The following AUTS2 variants were observed in gnomAD, a reference collection of about 807,000 sequenced individuals.
The protein encoded by AUTS2 is activator of transcription and developmental regulator AUTS2.
AUTS2 carries 17 observed loss-of-function variants against 112.4 expected under a neutral mutation model. The observed-to-expected ratio is 0.15, with a 90% CI of 0.10 to 0.23. The LOEUF is 0.23. Among genes scored for constraint, AUTS2 ranks in the 10% least tolerant of loss-of-function variants. The probability of loss-of-function intolerance (pLI) is 1.00; values close to 1 mark genes in which losing one functional copy is unlikely to be tolerated. For synonymous variants in AUTS2, 751 were observed against 702.7 expected, an observed-to-expected ratio of 1.07 and a Z score of -1.09; for missense variants, 1,510 against 1,701.6, an observed-to-expected ratio of 0.89 and a Z score of 1.98.
intron 4 of AUTS2, among the ~76,000 whole-genome samples, chr7:70,211,192 T>C (rs1810864849): frequency 1.3e-5 from 2 of 152,116 alleles, no homozygotes; most frequent in African/African-American, 4.8e-5. Flanking sequence ...ATTTTAGCAT[T>C]GCTGAAGGAA....
At chr7:70,107,530 G>C (rs192772823) in intron 2 of AUTS2, among the ~76,000 whole-genome samples, 14 of 149,742 alleles carry the variant, frequency 9.3e-5, no homozygotes, top group African/African-American at 3.4e-4. Context: ...TTTTAGTAGA[G>C]ATGGGGTTTC....
intron 4 of AUTS2, among the ~76,000 whole-genome samples, chr7:70,255,945 A>G (rs2129605539): frequency 6.6e-6 from 1 of 152,344 alleles, no homozygotes; most frequent in Admixed American, 6.5e-5. Flanking sequence ...TTGTTTAACA[A>G]CGTTATTGCT....
chr7:70,009,429 C>T (rs1799696010), intron 2 of AUTS2, among the ~76,000 whole-genome samples: 1 of 152,156 alleles, frequency 6.6e-6, no homozygotes, highest in Non-Finnish European at 1.5e-5. Context: ...GAACTATTTA[C>T]GTTGCAGCCC....
At chr7:69,966,625 T>A (rs1225641065) in intron 2 of AUTS2, among the ~76,000 whole-genome samples, 1 of 152,162 alleles carries the variant, frequency 6.6e-6, no homozygotes, top group African/African-American at 2.4e-5. Flanking sequence ...TGCCATAATA[T>A]TATTTAATAT....
intron 1 of AUTS2, among the ~76,000 whole-genome samples, chr7:69,638,218 T>C (rs1794637737): frequency 6.6e-6 from 1 of 152,136 alleles, no homozygotes; most frequent in South Asian, 2.1e-4. Context: ...GGTCTTGCTT[T>C]GCTGCCCAGG....
intron 4 of AUTS2, among the ~76,000 whole-genome samples, chr7:70,405,084 A>G (rs1794476442): frequency 6.6e-6 from 1 of 152,134 alleles, no homozygotes; most frequent in Admixed American, 6.6e-5. Flanking sequence ...GAAATTAGAA[A>G]CCTCTTTGGT....
chr7:69,652,509 G>T (rs752452569), intron 1 of AUTS2, among the ~76,000 whole-genome samples: 2 of 151,302 alleles, frequency 1.3e-5, no homozygotes, highest in Non-Finnish European at 2.9e-5. Context: ...GAACTTAGGA[G>T]CTGGAAGCAT....
chr7:70,762,807 C>T (rs1789649060), intron 6 of AUTS2, 63 bp from the exon 7 acceptor site: 12 of 1,232,950 alleles, frequency 9.7e-6, no homozygotes, highest in Non-Finnish European at 1.4e-5. Context: ...AGTTTCCTTT[C>T]CCTCCTTATG....
At chr7:70,413,556 T>C (rs943903066) in intron 4 of AUTS2, among the ~76,000 whole-genome samples, 1 of 152,240 alleles carries the variant, frequency 6.6e-6, no homozygotes, top group Non-Finnish European at 1.5e-5. Context: ...GGGGTTATCC[T>C]GAGAGATGAC....
chr7:69,992,143 T>C (rs1322152786), intron 2 of AUTS2, among the ~76,000 whole-genome samples: 9 of 152,236 alleles, frequency 5.9e-5, no homozygotes, highest in Admixed American at 2.0e-4. Context: ...TCATTGCTGA[T>C]TGTGTCCATG....
chr7:70,745,267 A>ACT (rs1398364785), intron 6 of AUTS2, among the ~76,000 whole-genome samples: 1 of 151,660 alleles, frequency 6.6e-6, no homozygotes, highest in Admixed American at 6.6e-5. Flanking sequence ...TCCAGCATTC[A>ACT]CTGCTCCTCA....
chr7:70,494,582 C>G (rs1798375048), intron 5 of AUTS2, among the ~76,000 whole-genome samples: 1 of 152,084 alleles, frequency 6.6e-6, no homozygotes, highest in Non-Finnish European at 1.5e-5. Flanking sequence ...CCCCTCCCCC[C>G]CGACACTCAG....
At chr7:69,985,382 G>T (rs1164660825) in intron 2 of AUTS2, among the ~76,000 whole-genome samples, 1 of 152,138 alleles carries the variant, frequency 6.6e-6, no homozygotes, top group African/African-American at 2.4e-5. Flanking sequence ...AGAAGTGGTG[G>T]TACAAACAAC....
chr7:69,599,973 C>T lies in AUTS2; in HGVS notation c.309+11C>T, dbSNP rs776720474. ...TTTGAAGCGCTGGAGGTAAGGGGGA[C>T]CCCCCTTCCCCCGGGTTCCCTTTAT... On this transcript the variant is annotated intron_variant, in intron 1 of 18. Transcript: ENST00000342771. This position sits in a 1 kb window ranked among gnomAD's most constrained non-coding sequence, Gnocchi z 7.0. The T allele has an allele frequency of 1.9e-6, 3 of 1,598,528 alleles. No homozygotes were observed. The highest frequency in any genetic ancestry group is 2.5e-6 in the Non-Finnish European group (3 of 1,177,098).
intron 4 of AUTS2, among the ~76,000 whole-genome samples, chr7:70,270,128 A>G (rs547619134): frequency 6.6e-6 from 1 of 152,130 alleles, no homozygotes; most frequent in South Asian, 2.1e-4. Context: ...TATCCCCTCT[A>G]TCCTAAACAT....
At chr7:70,592,454 C>T (rs38318) in intron 5 of AUTS2, among the ~76,000 whole-genome samples, 19,760 of 152,076 alleles carry the variant, frequency 0.13, 1,597 homozygotes, top group Non-Finnish European at 0.17. Context: ...ACCTCCGCCT[C>T]TGGGTTCAAA....
At chr7:70,109,260 TAATC>T (rs1481170575) in intron 2 of AUTS2, among the ~76,000 whole-genome samples, 4 of 152,220 alleles carry the variant, frequency 2.6e-5, no homozygotes, top group African/African-American at 7.2e-5. Flanking sequence ...TACTTTTTAA[TAATC>T]AAAATCTTAT....
At chr7:70,408,987 A>G (rs1213610701) in intron 4 of AUTS2, among the ~76,000 whole-genome samples, 1 of 152,204 alleles carries the variant, frequency 6.6e-6, no homozygotes, top group Non-Finnish European at 1.5e-5. Context: ...TTATAAATCT[A>G]TCCAGGTTGG....
intron 6 of AUTS2, among the ~76,000 whole-genome samples, chr7:70,719,870 A>G (rs1810573041): frequency 6.6e-6 from 1 of 152,154 alleles, no homozygotes; most frequent in Non-Finnish European, 1.5e-5. Flanking sequence ...TTCTCATCTC[A>G]CAGGTTTCTC....
Sources: allele counts gnomAD v4.1 joint callset (sites outside exome capture counted in the v4.1 genomes callset), GRCh38; gene constraint gnomAD v4.1.1; non-coding constraint Gnocchi (gnomAD v3.1); transcripts MANE v1.5; gene names NCBI Gene and HGNC (gene_info 2026-07-23, HGNC 2026-07-21).